Variants in C12orf56 observed in about 807,000 individuals in gnomAD.
C12orf56 encodes the protein chromosome 12 open reading frame 56.
C12orf56 carries 71 observed loss-of-function variants against 69.9 expected under a neutral mutation model. The observed-to-expected ratio is 1.02, with a 90% CI of 0.84 to 1.24. C12orf56 has a LOEUF of 1.24. Ranked by LOEUF, C12orf56 falls within the 50% of genes most tolerant of loss-of-function variation. The probability of loss-of-function intolerance (pLI) is 0.00; values close to 1 mark genes in which losing one functional copy is unlikely to be tolerated. For synonymous variants in C12orf56, 276 were observed against 274.1 expected (o/e 1.01, Z -0.07); for missense variants, 732 against 738.5 (o/e 0.99, Z 0.10).
intron 1 of C12orf56, among the ~76,000 whole-genome samples, chr12:64,368,657 G>A (rs80140580): frequency 6.6e-6 from 1 of 152,186 alleles, no homozygotes; most frequent in Non-Finnish European, 1.5e-5. Flanking sequence ...ATTCTTATGG[G>A]CTAATTCATT....
chr12:64,343,068 G>A (rs2039095579), intron 2 of C12orf56, among the ~76,000 whole-genome samples: 1 of 152,166 alleles, frequency 6.6e-6, no homozygotes. Context: ...AATGAGGGAT[G>A]TCTTGCCTCC....
In C12orf56 at chr12:64,285,969, C is replaced by G. The variant is rs1251955095; in HGVS notation, c.1205G>C (p.Arg402Thr). The change falls in exon 7 of 13, where the codon AGG becomes ACG. Residue 402 changes from arginine (R) to threonine (T), a missense_variant. Arg to Thr is a moderately conservative substitution (Grantham distance 71). Transcript: ENST00000543942. ...DKNALQNQSQ[R>T]VDELVACIEI... ...TAGTACTTACACCAGCTCATCAACC[C>G]TTTGGCTTTGATTTTGTAGTGCATT... 7 of 1,602,602 alleles carry G rather than the reference C, an allele frequency of 4.4e-6. No homozygotes were observed. The highest frequency in any genetic ancestry group is 1.7e-4 in the Middle Eastern group (1 of 6,020).
At chr12:64,349,703 T>G (rs2039195499) in intron 2 of C12orf56, among the ~76,000 whole-genome samples, 1 of 152,190 alleles carries the variant, frequency 6.6e-6, no homozygotes, top group Admixed American at 6.5e-5. Context: ...GATTGGAGAC[T>G]ATTATTCTAA....
intron 3 of C12orf56, among the ~76,000 whole-genome samples, chr12:64,323,111 T>G (rs2038792961): frequency 6.6e-6 from 1 of 152,206 alleles, no homozygotes; most frequent in African/African-American, 2.4e-5. Flanking sequence ...AGACAGTCAG[T>G]GACTCGTGTG....
intron 6 of C12orf56, among the ~76,000 whole-genome samples, chr12:64,293,709 A>G (rs1337829022): frequency 1.3e-5 from 2 of 152,222 alleles, no homozygotes; most frequent in Non-Finnish European, 2.9e-5. Flanking sequence ...ATCTACCTGA[A>G]ACAACATGGA....
chr12:64,343,213 G>A (rs919655903), intron 2 of C12orf56, among the ~76,000 whole-genome samples: 2 of 152,094 alleles, frequency 1.3e-5, no homozygotes, highest in Non-Finnish European at 2.9e-5. Flanking sequence ...AAATTTTACC[G>A]AGGTAGAAGG....
intron 5 of C12orf56, 69 bp downstream of exon 5, chr12:64,312,610 A>G: frequency 8.1e-7 from 1 of 1,231,906 alleles, no homozygotes; most frequent in Non-Finnish European, 1.1e-6. Context: ...CTCAGTTTCA[A>G]AAAAAAGGAG....
intron 2 of C12orf56, chr12:64,338,387 T>C (rs1391700637): frequency 2.0e-5 from 14 of 696,106 alleles, no homozygotes; most frequent in Non-Finnish European, 3.8e-5. Context: ...CTGGTCAATT[T>C]GGACATCAAC....
intron 8 of C12orf56, among the ~76,000 whole-genome samples, 197 bp from the exon 9 acceptor site, chr12:64,278,000 T>G (rs1244898451): frequency 6.6e-6 from 1 of 152,190 alleles, no homozygotes; most frequent in Non-Finnish European, 1.5e-5. Flanking sequence ...TATAACTTCT[T>G]GGTCTTCTGG....
intron 3 of C12orf56, 123 bp from the exon 4 acceptor site, chr12:64,319,103 G>A (rs976147285): frequency 1.3e-4 from 132 of 985,916 alleles, no homozygotes; most frequent in Non-Finnish European, 1.7e-4. Context: ...GTTAAAACAA[G>A]GAAGTCATTG....
chr12:64,323,349 C>A (rs1310304728), intron 3 of C12orf56, among the ~76,000 whole-genome samples: 4 of 152,066 alleles, frequency 2.6e-5, no homozygotes, highest in Non-Finnish European at 5.9e-5. Flanking sequence ...CCCAGCAATT[C>A]GAATATGCCA....
At position 64,377,627 on chromosome 12, in the gene C12orf56, T is replaced by C. The variant is rs1266891267; in HGVS notation, c.252+12687A>G. 2.0e-5 allele frequency among the ~76,000 whole-genome samples: 3 copies of C among 152,246 alleles called. No individual in the cohort carries two copies. In the East Asian group the frequency reaches 5.8e-4, roughly 29 times the overall value. ...CTATATTTATCTTATCCGTTATTCT[T>C]GCTTTCATAGCCTTGATTCATATTT... On this transcript the variant is annotated intron_variant, in intron 1 of 12. Coordinates refer to ENST00000543942, the MANE Select transcript of C12orf56 (RefSeq NM_001170633.2).
intron 4 of C12orf56, among the ~76,000 whole-genome samples, chr12:64,318,163 T>C (rs1204842645): frequency 6.6e-6 from 1 of 152,108 alleles, no homozygotes; most frequent in Non-Finnish European, 1.5e-5. Flanking sequence ...GGAGTTTAAT[T>C]GATTCTCATG....
chr12:64,336,376 A>G (rs2038996753), intron 2 of C12orf56, among the ~76,000 whole-genome samples: 1 of 152,128 alleles, frequency 6.6e-6, no homozygotes, highest in African/African-American at 2.4e-5. Flanking sequence ...ACTAATTTTA[A>G]TATCACTTGC....
At chr12:64,328,693 AAAAAAAAAAAAAAATATATATATATAT>A (rs1430191730) in intron 3 of C12orf56, among the ~76,000 whole-genome samples, 3 of 21,060 alleles carry the variant, frequency 1.4e-4, no homozygotes, top group African/African-American at 3.5e-4. Context: ...AAAAAAAAAA[AAAAAAAAAAAAAAATATATATATATAT>A]ATATATATAT....
intron 12 of C12orf56, among the ~76,000 whole-genome samples, chr12:64,268,071 G>A (rs1157501587): frequency 6.6e-6 from 1 of 152,144 alleles, no homozygotes; most frequent in Non-Finnish European, 1.5e-5. Flanking sequence ...AATGATTTCG[G>A]ATTTTGGAGC....
intron 2 of C12orf56, among the ~76,000 whole-genome samples, chr12:64,336,304 A>G (rs1352842441): frequency 6.6e-6 from 1 of 152,204 alleles, no homozygotes; most frequent in African/African-American, 2.4e-5. Flanking sequence ...AAAGTAGAGA[A>G]CAGGTGGGGG....
chr12:64,357,119 A>C (rs1354331710), intron 1 of C12orf56, among the ~76,000 whole-genome samples: 5 of 146,328 alleles, frequency 3.4e-5, no homozygotes, highest in African/African-American at 1.0e-4. Context: ...AAAAAAAAAC[A>C]CACAAAAATG....
chr12:64,277,721 C>T lies in C12orf56; in HGVS notation c.1393G>A (p.Val465Met). Residue 465 changes from valine (V) to methionine (M), a missense_variant, in exon 9 of 13, where the codon GTG becomes ATG. Coordinates refer to ENST00000543942, the MANE Select transcript of C12orf56 (RefSeq NM_001170633.2). ...KSCPVFDIQL[V>M]ADSALVRMSF... ...ATTCTGACTAAAGCTGAATCAGCCA[C>T]CAACTGGATATCAAACACAGGACAA... 1 of 1,599,710 alleles carries T rather than the reference C, an allele frequency of 6.3e-7. No homozygotes were observed. The highest frequency in any genetic ancestry group is 8.5e-7 in the Non-Finnish European group (1 of 1,171,942).
Sources: allele counts gnomAD v4.1 joint callset (sites outside exome capture counted in the v4.1 genomes callset), GRCh38; gene constraint gnomAD v4.1.1; transcripts MANE v1.5; gene names NCBI Gene and HGNC (gene_info 2026-07-23, HGNC 2026-07-21).